The following RMST variants were observed in gnomAD, a reference collection of about 807,000 sequenced individuals.
RMST encodes the protein rhabdomyosarcoma 2 associated transcript.
chr12:97,550,218 C>T (rs1403803040), intron 11 of RMST, among the ~76,000 whole-genome samples: 1 of 151,948 alleles, frequency 6.6e-6, no homozygotes, highest in African/African-American at 2.4e-5. Flanking sequence ...ATGGAGAAAC[C>T]CCATCTCTAC....
At chr12:97,475,531 T>A (rs1211889448) in intron 5 of RMST, among the ~76,000 whole-genome samples, 1 of 151,988 alleles carries the variant, frequency 6.6e-6, no homozygotes, top group East Asian at 1.9e-4. Context: ...TTTCTTCCTC[T>A]GTAAAATAAG....
At chr12:97,512,598 T>G (rs1455924899) in intron 10 of RMST, among the ~76,000 whole-genome samples, 1 of 152,144 alleles carries the variant, frequency 6.6e-6, no homozygotes, top group African/African-American at 2.4e-5. Context: ...AGGCACAGGG[T>G]GCTGATTGGT....
intron 5 of RMST, among the ~76,000 whole-genome samples, chr12:97,467,563 C>T (rs1401341539): frequency 6.6e-6 from 1 of 152,068 alleles, no homozygotes; most frequent in East Asian, 1.9e-4. Context: ...AAATTAAGCT[C>T]TGGCATCTGA....
intron 10 of RMST, among the ~76,000 whole-genome samples, chr12:97,522,186 C>T (rs1418519627): frequency 6.6e-6 from 1 of 152,124 alleles, no homozygotes; most frequent in Non-Finnish European, 1.5e-5. Flanking sequence ...GATATAACTC[C>T]CAGGTAAGTG....
intron 11 of RMST, among the ~76,000 whole-genome samples, chr12:97,549,595 A>T (rs1363839683): frequency 6.6e-6 from 1 of 152,240 alleles, no homozygotes; most frequent in Non-Finnish European, 1.5e-5. Context: ...AACAGGAAAA[A>T]GTAAACATAG....
intron 11 of RMST, among the ~76,000 whole-genome samples, chr12:97,546,418 C>T (rs2136636802): frequency 1.3e-5 from 2 of 152,042 alleles, no homozygotes; most frequent in Admixed American, 1.3e-4. Flanking sequence ...CCCATCTCTA[C>T]TAAAGATACA....
chr12:97,482,966 G>T (rs766692389), intron 5 of RMST, among the ~76,000 whole-genome samples: 12 of 151,664 alleles, frequency 7.9e-5, no homozygotes, highest in Non-Finnish European at 1.5e-4. Flanking sequence ...TTCTTGAGGG[G>T]AGCAAATAGC....
chr12:97,533,607 T>C (rs1306768938), intron 11 of RMST: 1 of 151,852 alleles, frequency 6.6e-6, no homozygotes, highest in Non-Finnish European at 1.5e-5. Flanking sequence ...GTATTCACAT[T>C]TCTTCAAAAA....
intron 5 of RMST, among the ~76,000 whole-genome samples, chr12:97,466,790 G>T (rs1166330558): frequency 6.6e-6 from 1 of 152,004 alleles, no homozygotes; most frequent in African/African-American, 2.4e-5. Context: ...ATTGTTTCTT[G>T]TATAGAAATC....
At chr12:97,543,915 G>C (rs1882741543) in intron 11 of RMST, among the ~76,000 whole-genome samples, 1 of 151,962 alleles carries the variant, frequency 6.6e-6, no homozygotes, top group African/African-American at 2.4e-5. Context: ...TGATCTCTTA[G>C]TTTTGTGCTA....
intron 5 of RMST, among the ~76,000 whole-genome samples, chr12:97,477,091 T>C (rs1012329080): frequency 2.0e-5 from 3 of 152,068 alleles, no homozygotes; most frequent in African/African-American, 7.2e-5. Context: ...AAAATAGGAA[T>C]GGTTAGATGA....
intron 5 of RMST, among the ~76,000 whole-genome samples, chr12:97,483,733 C>A (rs1289520649): frequency 6.6e-6 from 1 of 152,142 alleles, no homozygotes; most frequent in Non-Finnish European, 1.5e-5. Context: ...CCTCCCTCCC[C>A]AATTCTACTT....
At chr12:97,505,252 A>G (rs190005897) in intron 10 of RMST, among the ~76,000 whole-genome samples, 1 of 152,370 alleles carries the variant, frequency 6.6e-6, no homozygotes, top group Non-Finnish European at 1.5e-5. Flanking sequence ...AGAATCACAA[A>G]TGAGCATCAA....
At chr12:97,525,434 C>T (rs749089949) in intron 10 of RMST, among the ~76,000 whole-genome samples, 6 of 152,100 alleles carry the variant, frequency 3.9e-5, no homozygotes, top group Non-Finnish European at 7.4e-5. Context: ...CTAGAATAGA[C>T]TGCATATTCA....
intron 11 of RMST, among the ~76,000 whole-genome samples, chr12:97,535,282 G>A (rs1011568281): frequency 5.9e-5 from 9 of 151,564 alleles, no homozygotes; most frequent in Non-Finnish European, 1.0e-4. Context: ...CTAATATAGC[G>A]TAGTGGTCTG....
intron 10 of RMST, among the ~76,000 whole-genome samples, chr12:97,512,361 G>T (rs749217618): frequency 6.6e-6 from 1 of 152,146 alleles, no homozygotes; most frequent in South Asian, 2.1e-4. Flanking sequence ...CTTCCACAGC[G>T]TGTAAGGGGA....
At chr12:97,524,472 G>A (rs1880886896) in intron 10 of RMST, among the ~76,000 whole-genome samples, 1 of 152,122 alleles carries the variant, frequency 6.6e-6, no homozygotes, top group South Asian at 2.1e-4. Context: ...GCTGTGATTG[G>A]CCACCTAATA....
chr12:97,492,483 T>C (rs1876953731), exon 6 of RMST: 1 of 158,996 alleles, frequency 6.3e-6, no homozygotes, highest in Non-Finnish European at 1.4e-5. Flanking sequence ...ATGGAGTGAG[T>C]GATGGAATAG....
At chr12:97,464,300 G>A (rs998942659) in intron 4 of RMST, among the ~76,000 whole-genome samples, 2 of 152,080 alleles carry the variant, frequency 1.3e-5, no homozygotes, top group African/African-American at 4.8e-5. Context: ...TAAAAGCATT[G>A]TTTATGTTCC....
Sources: gnomAD v4.1 joint callset for allele counts (sites outside exome capture counted in the v4.1 genomes callset) on GRCh38, gnomAD v4.1.1 for gene constraint, MANE v1.5 for transcripts, NCBI Gene and HGNC (gene_info 2026-07-23, HGNC 2026-07-21) for gene names.